Variants in SERF1B observed in about 807,000 individuals in gnomAD.
The protein encoded by SERF1B is small EDRK-rich factor 1.
chr5:70,029,730 G>T, intron 2 of SERF1B: 1 of 454,874 alleles, frequency 2.2e-6, no homozygotes, highest in Non-Finnish European at 4.4e-6. Flanking sequence ...TTAATTTAAG[G>T]CAAAGGTCCT....
chr5:70,041,919 TAGCA>T lies in SERF1B; in HGVS notation c.*180_*183del. 1 of 570,474 alleles carries T rather than the reference TAGCA, an allele frequency of 1.8e-6. No homozygotes were observed. Among genetic ancestry groups the T allele is most frequent in the African/African-American group, 1.9e-5 (1 of 52,428 alleles). 35.3% of individuals were successfully genotyped at this position (570,474 alleles called of 1,614,324 possible). A position where few individuals can be genotyped will look rare whatever the true frequency, so the allele number is the denominator to read the frequency against. On this transcript the variant is annotated 3_prime_UTR_variant, in exon 3 of 3. Coordinates refer to ENST00000380750, the MANE Select transcript of SERF1B (RefSeq NM_022978.3). ...AAAAATAGGAAACTTAGATGTAACT[TAGCA>T]CTTTTTTTTTTTTTTTTTGAGATGG...
intron 2 of SERF1B, among the ~76,000 whole-genome samples, chr5:70,041,254 G>A (rs1774252491): frequency 6.7e-6 from 1 of 149,168 alleles, no homozygotes; most frequent in Admixed American, 6.6e-5. Flanking sequence ...GTATCTCATT[G>A]TAGTCTTAAT....
intron 2 of SERF1B, chr5:70,029,895 C>T: frequency 2.6e-6 from 1 of 379,048 alleles, no homozygotes; most frequent in Non-Finnish European, 5.0e-6. Flanking sequence ...TACAAGGGCA[C>T]ACCACCAAGC....
chr5:70,036,629 A>ACACACACACC (rs763495681), intron 2 of SERF1B, among the ~76,000 whole-genome samples: 1 of 49,838 alleles, frequency 2.0e-5, no homozygotes, highest in African/African-American at 6.7e-5. Context: ...ACACACACAC[A>ACACACACACC]CTCTCTCTCT....
chr5:70,038,301 A>C (rs1774227800), intron 2 of SERF1B, among the ~76,000 whole-genome samples: 1 of 143,142 alleles, frequency 7.0e-6, no homozygotes, highest in African/African-American at 2.7e-5. Context: ...TACGTATTTA[A>C]CCCATTTCCT....
intron 2 of SERF1B, among the ~76,000 whole-genome samples, chr5:70,038,150 A>G (rs1774224045): frequency 6.7e-6 from 1 of 148,576 alleles, no homozygotes. Context: ...ACATAATCCT[A>G]TTAAATACTT....
intron 2 of SERF1B, among the ~76,000 whole-genome samples, chr5:70,029,296 C>T (rs1352782550): frequency 6.6e-6 from 1 of 151,824 alleles, no homozygotes; most frequent in African/African-American, 2.4e-5. Flanking sequence ...CCACCATGCC[C>T]AGCTAATTTT....
At chr5:70,038,534 C>T (rs866436627) in intron 2 of SERF1B, among the ~76,000 whole-genome samples, 5 of 29,198 alleles carry the variant, frequency 1.7e-4, no homozygotes, top group Non-Finnish European at 3.6e-4. Context: ...GGCATAGACC[C>T]GAGAGGCGGA....
At chr5:70,035,389 T>TATTATTA (rs1350033403) in intron 2 of SERF1B, among the ~76,000 whole-genome samples, 13 of 134,678 alleles carry the variant, frequency 9.7e-5, no homozygotes, top group African/African-American at 2.9e-4. Flanking sequence ...TATTATTTTT[T>TATTATTA]TTTTTTTTTG....
chr5:70,036,629 A>ACACACACACACACTCTCT (rs763495681), intron 2 of SERF1B, among the ~76,000 whole-genome samples: 1 of 49,838 alleles, frequency 2.0e-5, no homozygotes, highest in African/African-American at 6.7e-5. Context: ...ACACACACAC[A>ACACACACACACACTCTCT]CTCTCTCTCT....
At chr5:70,028,811 AC>A (rs1774097033) in intron 2 of SERF1B, among the ~76,000 whole-genome samples, 1 of 146,862 alleles carries the variant, frequency 6.8e-6, no homozygotes, top group South Asian at 2.2e-4. Flanking sequence ...CCCTGTCCGT[AC>A]TAAAAATACA....
At chr5:70,041,474 A>T (rs1268427611) in intron 2 of SERF1B, 50 bp from the exon 3 acceptor site, 1 of 624,290 alleles carries the variant, frequency 1.6e-6, no homozygotes, top group Non-Finnish European at 2.9e-6. Flanking sequence ...GCTGTAACAA[A>T]TTACCACAAA....
chr5:70,036,650 C>CTCTCTA, intron 2 of SERF1B, among the ~76,000 whole-genome samples: 1 of 150,596 alleles, frequency 6.6e-6, no homozygotes, highest in African/African-American at 2.5e-5. Flanking sequence ...CTCTCTCTCT[C>CTCTCTA]TCTCTCTCTC....
chr5:70,036,656 CT>C (rs1774193912), intron 2 of SERF1B, among the ~76,000 whole-genome samples: 1 of 150,516 alleles, frequency 6.6e-6, no homozygotes, highest in Non-Finnish European at 1.5e-5. Context: ...CTCTCTCTCT[CT>C]CTCTCTCAAA....
chr5:70,036,629 A>ACACACACACACACACACTCTCTCT (rs763495681), intron 2 of SERF1B, among the ~76,000 whole-genome samples: 1 of 49,838 alleles, frequency 2.0e-5, no homozygotes, highest in African/African-American at 6.7e-5. Context: ...ACACACACAC[A>ACACACACACACACACACTCTCTCT]CTCTCTCTCT....
At chr5:70,029,369 C>G (rs1480042336) in intron 2 of SERF1B, among the ~76,000 whole-genome samples, 2 of 151,200 alleles carry the variant, frequency 1.3e-5, no homozygotes, top group African/African-American at 4.9e-5. Context: ...CTACTGACCT[C>G]AAGTGATCCA....
At chr5:70,036,627 A>T (rs80297499) in intron 2 of SERF1B, among the ~76,000 whole-genome samples, 2,198 of 47,246 alleles carry the variant, frequency 0.047, 1 homozygote, top group Admixed American at 0.098. Context: ...ACACACACAC[A>T]CACTCTCTCT....
At chr5:70,036,594 T>TAC (rs1212936359) in intron 2 of SERF1B, among the ~76,000 whole-genome samples, 1,512 of 105,918 alleles carry the variant, frequency 0.014, 15 homozygotes, top group African/African-American at 0.021. Flanking sequence ...TCTCAAAACA[T>TAC]ACACACACAC....
At chr5:70,036,424 CAA>C (rs1322445178) in intron 2 of SERF1B, among the ~76,000 whole-genome samples, 1 of 82,038 alleles carries the variant, frequency 1.2e-5, no homozygotes. Context: ...TCATCTCTAC[CAA>C]AAAAAAAAAA....
Sources: gnomAD v4.1 joint callset for allele counts (sites outside exome capture counted in the v4.1 genomes callset) on GRCh38, gnomAD v4.1.1 for gene constraint, MANE v1.5 for transcripts, NCBI Gene and HGNC (gene_info 2026-07-23, HGNC 2026-07-21) for gene names.